Variants in SRGAP2B observed in about 807,000 individuals in gnomAD.
SRGAP2B encodes SLIT-ROBO Rho GTPase-activating protein 2B.
SRGAP2B carries 9 observed loss-of-function variants against 22.2 expected under a neutral mutation model. The observed-to-expected ratio is 0.41, with a 90% CI of 0.24 to 0.71. The LOEUF (loss-of-function observed/expected upper bound fraction) is 0.71, where lower values mean the gene tolerates loss of function less well. Among genes scored for constraint, SRGAP2B ranks in the 30% least tolerant of loss-of-function variants. SRGAP2B has a pLI of 0.35. For synonymous variants in SRGAP2B, 36 were observed against 87.4 expected, an observed-to-expected ratio of 0.41 and a Z score of 3.28; for missense variants, 114 against 235.8, an observed-to-expected ratio of 0.48 and a Z score of 3.38.
intron 3 of SRGAP2B, among the ~76,000 whole-genome samples, chr1:144,971,357 C>T (rs1668502015): frequency 6.7e-6 from 1 of 149,994 alleles, no homozygotes; most frequent in Non-Finnish European, 1.5e-5. Flanking sequence ...TCTCCAACTC[C>T]TGACCTCAGG....
At chr1:144,909,173 A>T (rs1456595859) in intron 5 of SRGAP2B, among the ~76,000 whole-genome samples, 3 of 150,562 alleles carry the variant, frequency 2.0e-5, no homozygotes, top group African/African-American at 7.5e-5. Flanking sequence ...CATCTACTTG[A>T]GTCCTAAACC....
intron 2 of SRGAP2B, among the ~76,000 whole-genome samples, chr1:145,068,310 A>G (rs1438016980): frequency 6.8e-6 from 1 of 146,886 alleles, no homozygotes; most frequent in Non-Finnish European, 1.5e-5. Flanking sequence ...CCTGGTACAT[A>G]GTAGGCATAC....
At chr1:145,017,330 G>A (rs1163911651) in intron 2 of SRGAP2B, among the ~76,000 whole-genome samples, 1 of 148,878 alleles carries the variant, frequency 6.7e-6, no homozygotes, top group Non-Finnish European at 1.5e-5. Flanking sequence ...GGGCAGGTGT[G>A]TATTATGTCA....
At chr1:144,958,258 G>C (rs1441383737) in intron 3 of SRGAP2B, among the ~76,000 whole-genome samples, 1 of 151,014 alleles carries the variant, frequency 6.6e-6, no homozygotes, top group Non-Finnish European at 1.5e-5. Flanking sequence ...ATATCCCCAA[G>C]GTGTCCTCAA....
chr1:144,945,718 G>T (rs1169885441), intron 4 of SRGAP2B, among the ~76,000 whole-genome samples: 1 of 144,228 alleles, frequency 6.9e-6, no homozygotes, highest in Non-Finnish European at 1.5e-5. Context: ...GAAGGCAAGT[G>T]AATTACATAT....
At chr1:144,907,143 GTGTGTGTGTGTGTGTGTGTGCA>G (rs1224616525) in intron 5 of SRGAP2B, among the ~76,000 whole-genome samples, 3 of 89,546 alleles carry the variant, frequency 3.4e-5, no homozygotes, top group African/African-American at 1.3e-4. Flanking sequence ...GTGTGCGTGT[GTGTGTGTGTGTGTGTGTGTGCA>G]TGTGTGTGTG....
chr1:144,934,054 G>C (rs1224654948), intron 4 of SRGAP2B, among the ~76,000 whole-genome samples: 1 of 147,440 alleles, frequency 6.8e-6, no homozygotes, highest in African/African-American at 2.5e-5. Context: ...GCAACACCTT[G>C]TGAAACATCA....
intron 4 of SRGAP2B, among the ~76,000 whole-genome samples, chr1:144,954,308 T>C (rs1322157809): frequency 5.3e-5 from 8 of 151,356 alleles, no homozygotes; most frequent in Non-Finnish European, 8.8e-5. Flanking sequence ...AAAAATGGGG[T>C]ATTAATTCCA....
At chr1:145,015,637 G>C (rs1405706750) in intron 2 of SRGAP2B, among the ~76,000 whole-genome samples, 4 of 150,034 alleles carry the variant, frequency 2.7e-5, no homozygotes, top group African/African-American at 1.0e-4. Context: ...TAAAGGATTG[G>C]AATTACCTAT....
chr1:144,980,750 G>A (rs367946281), intron 3 of SRGAP2B, among the ~76,000 whole-genome samples: 125 of 150,828 alleles, frequency 8.3e-4, no homozygotes, highest in Admixed American at 1.8e-3. Context: ...TAAATCTTTC[G>A]TTAACAGTGA....
intron 4 of SRGAP2B, among the ~76,000 whole-genome samples, chr1:144,952,600 C>G (rs1258574680): frequency 6.7e-6 from 1 of 149,668 alleles, no homozygotes; most frequent in Admixed American, 6.6e-5. Flanking sequence ...ATCAGGGTCT[C>G]TCTCTGTTGC....
chr1:144,888,988 TC>T, exon 10 of SRGAP2B: 1 of 145,492 alleles, frequency 6.9e-6, no homozygotes, highest in Middle Eastern at 3.5e-3. Flanking sequence ...AGAGTCTTAC[TC>T]TGTCACCCAG....
intron 3 of SRGAP2B, among the ~76,000 whole-genome samples, chr1:144,972,693 A>G (rs1570896391): frequency 1.4e-5 from 2 of 148,104 alleles, no homozygotes; most frequent in South Asian, 4.2e-4. Flanking sequence ...CAATGCTCTT[A>G]AAGCAATGTT....
At chr1:145,012,498 AT>A (rs1672129889) in intron 2 of SRGAP2B, among the ~76,000 whole-genome samples, 1 of 127,176 alleles carries the variant, frequency 7.9e-6, no homozygotes, top group South Asian at 2.6e-4. Flanking sequence ...CCTCTGCTAT[AT>A]TTTGACAAGT....
intron 3 of SRGAP2B, among the ~76,000 whole-genome samples, chr1:144,957,551 TTTAGGGAAACTGAAAG>T (rs1667356292): frequency 7.4e-6 from 1 of 135,738 alleles, no homozygotes; most frequent in Non-Finnish European, 1.5e-5. Flanking sequence ...CACTTACCTT[TTTAGGGAAACTGAAAG>T]ATTTCTATGG....
intron 4 of SRGAP2B, chr1:144,918,291 C>A (rs1328572135): frequency 6.7e-6 from 1 of 148,348 alleles, no homozygotes; most frequent in African/African-American, 2.6e-5. Context: ...AAAAAAGATG[C>A]CTAAATTTAG....
intron 2 of SRGAP2B, among the ~76,000 whole-genome samples, chr1:145,090,129 A>G (rs1653841548): frequency 6.8e-6 from 1 of 147,116 alleles, no homozygotes; most frequent in South Asian, 2.1e-4. Flanking sequence ...CAGCACCATG[A>G]GTCCCATATA....
chr1:145,012,030 T>G (rs1402676414), intron 2 of SRGAP2B, among the ~76,000 whole-genome samples: 1 of 151,040 alleles, frequency 6.6e-6, no homozygotes, highest in African/African-American at 2.5e-5. Flanking sequence ...CACAGTCACG[T>G]GGTTAGCTCT....
intron 3 of SRGAP2B, among the ~76,000 whole-genome samples, chr1:144,976,018 C>G (rs2747585): frequency 6.7e-6 from 1 of 149,460 alleles, no homozygotes; most frequent in African/African-American, 2.5e-5. Flanking sequence ...GGACCACAGG[C>G]GCCTGCCACC....
Sources: allele counts gnomAD v4.1 joint callset (sites outside exome capture counted in the v4.1 genomes callset), GRCh38; gene constraint gnomAD v4.1.1; transcripts MANE v1.5; gene names NCBI Gene and HGNC (gene_info 2026-07-23, HGNC 2026-07-21).